LINGO2: variants seen among roughly 807,000 people sequenced by gnomAD.
LINGO2 encodes leucine rich repeat and Ig domain containing 2, also known as leucine-rich repeat and immunoglobulin-like domain-containing nogo receptor-interacting protein 2.
A neutral mutation model predicts 30.6 loss-of-function variants in LINGO2; 14 were observed. The ratio of observed to expected loss-of-function variants is 0.46; its 90% CI spans 0.30 to 0.72. LINGO2 has a LOEUF of 0.72. Ranked by LOEUF, LINGO2 falls within the 30% of genes least tolerant of loss-of-function variation. The pLI, the probability that LINGO2 is intolerant of heterozygous loss-of-function variation, is 0.07. For synonymous variants in LINGO2, 317 were observed against 288.5 expected (o/e 1.10, Z -1.00); for missense variants, 729 against 751.7 (o/e 0.97, Z 0.35).
intron 4 of LINGO2, among the ~76,000 whole-genome samples, chr9:28,080,326 T>C (rs1296440186): frequency 1.3e-5 from 2 of 152,182 alleles, no homozygotes; most frequent in African/African-American, 4.8e-5. Context: ...TTCCAGCTTC[T>C]TCTTCTGTCG....
intron 4 of LINGO2, among the ~76,000 whole-genome samples, chr9:28,122,913 AT>A: frequency 1.3e-5 from 2 of 152,340 alleles, no homozygotes; most frequent in South Asian, 4.1e-4. Flanking sequence ...TGACTGATTT[AT>A]TGTGCTAGGA....
chr9:28,992,420 G>C, the LINGO2 span, among the ~76,000 whole-genome samples: 1 of 146,884 alleles, frequency 6.8e-6, no homozygotes, highest in African/African-American at 2.6e-5. Flanking sequence ...AATAATGGGA[G>C]ACTTTAACAC....
At chr9:29,212,023 G>A in the LINGO2 span, among the ~76,000 whole-genome samples, 479 of 152,264 alleles carry the variant, frequency 3.1e-3, 22 homozygotes, top group Admixed American at 0.029. Context: ...CCCACCCTGA[G>A]TATCTGACTG....
At chr9:28,269,343 ACTT>A (rs1822861466) in intron 4 of LINGO2, among the ~76,000 whole-genome samples, 1 of 151,996 alleles carries the variant, frequency 6.6e-6, no homozygotes, top group South Asian at 2.1e-4. Context: ...GCCTAAATGA[ACTT>A]CTGTCATTTT....
chr9:28,899,685 G>T, the LINGO2 span, among the ~76,000 whole-genome samples: 4 of 152,188 alleles, frequency 2.6e-5, no homozygotes, highest in Non-Finnish European at 4.4e-5. Flanking sequence ...CTAGGTTCTA[G>T]ATCAGCCCAG....
intron 2 of LINGO2, among the ~76,000 whole-genome samples, chr9:28,460,379 CTA>C (rs1825029191): frequency 6.6e-6 from 1 of 152,210 alleles, no homozygotes; most frequent in East Asian, 1.9e-4. Flanking sequence ...GTTTGCAAAA[CTA>C]TCTGAGAACT....
the LINGO2 span, among the ~76,000 whole-genome samples, chr9:29,096,961 A>C: frequency 7.2e-6 from 1 of 139,606 alleles, no homozygotes; most frequent in Non-Finnish European, 1.6e-5. Context: ...AATGAATACT[A>C]CAGATAGGCA....
At chr9:28,910,684 T>C in the LINGO2 span, among the ~76,000 whole-genome samples, 2 of 152,048 alleles carry the variant, frequency 1.3e-5, no homozygotes, top group Non-Finnish European at 2.9e-5. Flanking sequence ...CCTTCTACCA[T>C]GATAGTAAGT....
In LINGO2 at chr9:28,588,781, G is replaced by C. The variant is rs538609377; in HGVS notation, c.-365+81419C>G. On this transcript the variant is annotated intron_variant, in intron 1 of 5. Coordinates refer to ENST00000379992, the Ensembl canonical transcript of LINGO2. ...AATTGGGCTGTGGTTACAAGGACAG[G>C]TACAGATATTACTAGTCAGGCCATG... Among the ~76,000 whole-genome samples, 46 of 152,076 alleles carry C rather than the reference G, an allele frequency of 3.0e-4. No homozygotes were observed. In the South Asian group the frequency reaches 5.2e-3, roughly 17 times the overall value.
At chr9:29,047,309 A>G in the LINGO2 span, among the ~76,000 whole-genome samples, 2 of 152,186 alleles carry the variant, frequency 1.3e-5, no homozygotes, top group Non-Finnish European at 2.9e-5. Flanking sequence ...AAAAAGTTCA[A>G]TATCACTGAT....
intron 4 of LINGO2, among the ~76,000 whole-genome samples, chr9:28,173,620 T>C (rs1327452309): frequency 6.6e-6 from 1 of 152,232 alleles, no homozygotes; most frequent in Non-Finnish European, 1.5e-5. Flanking sequence ...TTTTGGTAAA[T>C]ACTCTCTTGT....
At chr9:28,883,155 C>T in the LINGO2 span, among the ~76,000 whole-genome samples, 23 of 152,242 alleles carry the variant, frequency 1.5e-4, no homozygotes, top group African/African-American at 5.5e-4. Flanking sequence ...CCTTCACTCT[C>T]TGTGCTCTGG....
intron 4 of LINGO2, among the ~76,000 whole-genome samples, chr9:28,175,864 C>T (rs1399338912): frequency 1.3e-5 from 2 of 152,182 alleles, no homozygotes; most frequent in African/African-American, 2.4e-5. Flanking sequence ...TAACTCAAGA[C>T]AACTCTGGAT....
At chr9:28,343,322 A>G (rs1335234276) in intron 3 of LINGO2, among the ~76,000 whole-genome samples, 1 of 152,176 alleles carries the variant, frequency 6.6e-6, no homozygotes, top group Non-Finnish European at 1.5e-5. Flanking sequence ...AAACATACAT[A>G]TATACATTCC....
At chr9:28,345,455 ATATAGGGTAACC>A (rs1819529222) in intron 3 of LINGO2, among the ~76,000 whole-genome samples, 1 of 152,132 alleles carries the variant, frequency 6.6e-6, no homozygotes, top group Admixed American at 6.6e-5. Context: ...GACCTCTCAA[ATATAGGGTAACC>A]TATTGCAGCT....
At chr9:28,968,124 A>G in the LINGO2 span, among the ~76,000 whole-genome samples, 1 of 152,196 alleles carries the variant, frequency 6.6e-6, no homozygotes, top group Non-Finnish European at 1.5e-5. Flanking sequence ...AGAATGTTAT[A>G]AAACTAGAAC....
At chr9:29,007,274 G>A in the LINGO2 span, among the ~76,000 whole-genome samples, 3 of 152,014 alleles carry the variant, frequency 2.0e-5, no homozygotes, top group Non-Finnish European at 4.4e-5. Flanking sequence ...GAAGCCATCT[G>A]TTGAATTTTA....
At chr9:29,074,942 C>T in the LINGO2 span, among the ~76,000 whole-genome samples, 65 of 152,118 alleles carry the variant, frequency 4.3e-4, no homozygotes, top group Non-Finnish European at 7.8e-4. Context: ...TCCCAAAGTG[C>T]TGGGATTACA....
chr9:29,042,225 T>C, the LINGO2 span, among the ~76,000 whole-genome samples: 2 of 151,980 alleles, frequency 1.3e-5, no homozygotes, highest in Non-Finnish European at 2.9e-5. Context: ...TAGCCACCCT[T>C]GTCTACGGCC....
Sources: allele counts gnomAD v4.1 joint callset (sites outside exome capture counted in the v4.1 genomes callset), GRCh38; gene constraint gnomAD v4.1.1; transcripts MANE v1.5; gene names NCBI Gene and HGNC (gene_info 2026-07-23, HGNC 2026-07-21).